The following CYSTM1 variants were observed in gnomAD, a reference collection of about 807,000 sequenced individuals.
The protein encoded by CYSTM1 is cysteine-rich transmembrane module-containing protein 1.
Under a neutral mutation model 13.1 loss-of-function variants are expected in CYSTM1, and 4 were observed. The ratio of observed to expected loss-of-function variants is 0.31; its 90% CI spans 0.15 to 0.70. CYSTM1 has a LOEUF of 0.70. Among genes scored for constraint, CYSTM1 ranks in the 30% least tolerant of loss-of-function variants. CYSTM1 has a pLI of 0.72. For synonymous variants in CYSTM1, 36 were observed against 42.7 expected (o/e 0.84, Z 0.62); for missense variants, 96 against 121.6 (o/e 0.79, Z 0.99).
chr5:140,237,350 T>C (rs769094797), intron 2 of CYSTM1, among the ~76,000 whole-genome samples: 8 of 152,232 alleles, frequency 5.3e-5, no homozygotes, highest in Non-Finnish European at 1.2e-4. Flanking sequence ...TCAGGTCACA[T>C]GCAGCCAAGA....
chr5:140,198,934 T>G (rs1764185847), intron 2 of CYSTM1, among the ~76,000 whole-genome samples: 1 of 152,188 alleles, frequency 6.6e-6, no homozygotes, highest in Non-Finnish European at 1.5e-5. Context: ...TGGGTATTTC[T>G]CCTAATGCTA....
intron 2 of CYSTM1, among the ~76,000 whole-genome samples, chr5:140,222,119 C>T (rs1286029801): frequency 1.3e-5 from 2 of 152,142 alleles, no homozygotes; most frequent in Non-Finnish European, 2.9e-5. Flanking sequence ...GGCCTTGTCC[C>T]CAGACCTGGC....
intron 1 of CYSTM1, 23 bp from the exon 2 acceptor site, chr5:140,194,423 T>C (rs1764127266): frequency 1.3e-6 from 2 of 1,522,386 alleles, no homozygotes; most frequent in Non-Finnish European, 1.8e-6. Context: ...ATGCAAATAA[T>C]TTTCATTCTT....
At chr5:140,206,144 C>G (rs2126661833) in intron 2 of CYSTM1, among the ~76,000 whole-genome samples, 1 of 152,332 alleles carries the variant, frequency 6.6e-6, no homozygotes, top group Admixed American at 6.5e-5. Context: ...CCATGCCTTT[C>G]CCTCAGACAT....
At chr5:140,226,598 A>T (rs1581071140) in intron 2 of CYSTM1, among the ~76,000 whole-genome samples, 1 of 106,934 alleles carries the variant, frequency 9.4e-6, no homozygotes, top group African/African-American at 3.5e-5. Flanking sequence ...ATATATATAT[A>T]TATATATATA....
At chr5:140,182,495 T>G (rs1025240504) in intron 1 of CYSTM1, among the ~76,000 whole-genome samples, 1 of 152,202 alleles carries the variant, frequency 6.6e-6, no homozygotes, top group African/African-American at 2.4e-5. Flanking sequence ...TATACTATAT[T>G]AAATTCTAGG....
At chr5:140,179,269 A>G (rs1263990293) in intron 1 of CYSTM1, among the ~76,000 whole-genome samples, 1 of 151,438 alleles carries the variant, frequency 6.6e-6, no homozygotes, top group African/African-American at 2.4e-5. Context: ...CTTAAAAAAA[A>G]AAAAAATGGC....
At chr5:140,215,714 C>T (rs12717954) in intron 2 of CYSTM1, among the ~76,000 whole-genome samples, 35,118 of 151,806 alleles carry the variant, frequency 0.23, 4,091 homozygotes, top group African/African-American at 0.25. Flanking sequence ...GTGTTAGTCT[C>T]TGTCCAGAGG....
chr5:140,202,291 T>TA (rs1448251229), intron 2 of CYSTM1: 2 of 152,186 alleles, frequency 1.3e-5, no homozygotes, highest in Non-Finnish European at 2.9e-5. Flanking sequence ...AGAGCAGTGG[T>TA]ACTGTATAAA....
intron 2 of CYSTM1, among the ~76,000 whole-genome samples, chr5:140,235,506 C>T (rs768049071): frequency 1.3e-5 from 2 of 148,222 alleles, no homozygotes; most frequent in Non-Finnish European, 3.0e-5. Flanking sequence ...CCTGGATTCA[C>T]GCCATTCTCC....
intron 2 of CYSTM1, among the ~76,000 whole-genome samples, chr5:140,211,347 C>T (rs1034422652): frequency 9.9e-5 from 15 of 152,182 alleles, no homozygotes; most frequent in Non-Finnish European, 1.9e-4. Flanking sequence ...AGAGGCTATG[C>T]TTGTCAGCAA....
intron 2 of CYSTM1, among the ~76,000 whole-genome samples, chr5:140,226,586 T>TTATA (rs549334525): frequency 0.019 from 1,399 of 75,244 alleles, 45 homozygotes; most frequent in African/African-American, 0.021. Context: ...ATACTAAATA[T>TTATA]TATATATATA....
At chr5:140,229,783 C>T (rs1053058062) in intron 2 of CYSTM1, among the ~76,000 whole-genome samples, 3 of 151,650 alleles carry the variant, frequency 2.0e-5, no homozygotes, top group Admixed American at 6.6e-5. Flanking sequence ...CTGCAACCTC[C>T]GCCTCCCTGG....
intron 2 of CYSTM1, among the ~76,000 whole-genome samples, chr5:140,223,967 G>T (rs1172458666): frequency 6.6e-6 from 1 of 152,178 alleles, no homozygotes; most frequent in Admixed American, 6.5e-5. Flanking sequence ...CTGAGAGGCT[G>T]ACACATCCAG....
rs552457077 is a variant in CYSTM1 at position 140,202,244 on chromosome 5, T to G, written c.187+7592T>G. 5.3e-5 allele frequency: 8 copies of G among 152,308 alleles called. No homozygotes were observed. The East Asian group carries it at 1.4e-3, about 26-fold the overall frequency. 9.4% of individuals were successfully genotyped at this position (152,308 alleles called of 1,614,324 possible). A position where few individuals can be genotyped will look rare whatever the true frequency, so the allele number is the denominator to read the frequency against. ...AGTCACTGCGCCTGGCCTGCTAATATTCTTAAGTTATACTGAAGATAAATC... is the reference window on the plus strand; with the variant it reads ...AGTCACTGCGCCTGGCCTGCTAATAGTCTTAAGTTATACTGAAGATAAATC... On this transcript the variant is annotated intron_variant, in intron 2 of 2. Coordinates refer to ENST00000261811, the MANE Select transcript of CYSTM1 (RefSeq NM_032412.4).
chr5:140,241,300 T>G (rs1180179146), intron 2 of CYSTM1, among the ~76,000 whole-genome samples: 2 of 152,224 alleles, frequency 1.3e-5, no homozygotes. Flanking sequence ...CTCTGGAGGC[T>G]GGGGAGAAGG....
intron 2 of CYSTM1, among the ~76,000 whole-genome samples, chr5:140,226,503 T>A (rs1214789896): frequency 3.9e-5 from 4 of 103,138 alleles, no homozygotes; most frequent in Non-Finnish European, 8.0e-5. Flanking sequence ...ATAATATATA[T>A]AAATATATAT....
intron 1 of CYSTM1, among the ~76,000 whole-genome samples, chr5:140,177,121 C>T (rs1472757088): frequency 2.0e-5 from 3 of 149,426 alleles, no homozygotes; most frequent in Admixed American, 1.3e-4. Flanking sequence ...TTGAGTTTCT[C>T]CGTGTAAGGC....
intron 2 of CYSTM1, chr5:140,228,720 C>G (rs1385768338): frequency 2.5e-6 from 1 of 398,984 alleles, no homozygotes; most frequent in African/African-American, 2.1e-5. Flanking sequence ...CCCTGCACCC[C>G]CTTCAACAGT....
Sources: allele counts gnomAD v4.1 joint callset (sites outside exome capture counted in the v4.1 genomes callset), GRCh38; gene constraint gnomAD v4.1.1; transcripts MANE v1.5; gene names NCBI Gene and HGNC (gene_info 2026-07-23, HGNC 2026-07-21).